Variants in ENOX1 observed in about 807,000 individuals in gnomAD.
ENOX1 encodes the protein candidate growth-related and time keeping constitutive hydroquinone (NADH) oxidase.
A neutral mutation model predicts 82.5 loss-of-function variants in ENOX1; 42 were observed. The ratio of observed to expected loss-of-function variants is 0.51; its 90% CI spans 0.40 to 0.66. The LOEUF (loss-of-function observed/expected upper bound fraction) is 0.66. Among genes scored for constraint, ENOX1 ranks in the 30% least tolerant of loss-of-function variants. ENOX1 has a pLI of 0.00. For synonymous variants in ENOX1, 271 were observed against 282.2 expected (o/e 0.96, Z 0.40); for missense variants, 608 against 811.6 (o/e 0.75, Z 3.05).
intron 2 of ENOX1, among the ~76,000 whole-genome samples, chr13:43,486,120 G>A (rs2076405988): frequency 6.6e-6 from 1 of 152,232 alleles, no homozygotes; most frequent in Non-Finnish European, 1.5e-5. Flanking sequence ...TGAGGCAGGA[G>A]AATGGTGTGA....
At chr13:43,564,075 A>C (rs4942240) in intron 2 of ENOX1, among the ~76,000 whole-genome samples, 57,764 of 151,844 alleles carry the variant, frequency 0.38, 11,876 homozygotes, top group East Asian at 0.77. Flanking sequence ...AAAATAAAAA[A>C]CTACAGACCA....
At chr13:43,356,821 G>C (rs1034474817) in intron 7 of ENOX1, among the ~76,000 whole-genome samples, 1 of 151,970 alleles carries the variant, frequency 6.6e-6, no homozygotes, top group Non-Finnish European at 1.5e-5. Context: ...AGGCCTCGCC[G>C]CTGCCTGCCT....
At position 43,397,119 on chromosome 13, in the gene ENOX1, C is replaced by A. The variant is rs145141212; in HGVS notation, c.208+14797G>T. The stretch of plus-strand genomic sequence containing the variant: ...GTGCCCCTGCAGAATCTCTGGCATG[C>A]CCCTCTCTTGGCGAAGCCCCAGCAA... On this transcript the variant is annotated intron_variant, in intron 5 of 16. Coordinates refer to ENST00000690772, the MANE Select transcript of ENOX1 (RefSeq NM_001347969.2). Among the ~76,000 whole-genome samples the A allele has an allele frequency of 5.0e-4, 76 of 152,354 alleles. No individual in the cohort carries two copies. The East Asian group carries it at 0.014, about 29-fold the overall frequency.
At chr13:43,589,896 CAAAAAAAAA>C (rs56787803) in intron 2 of ENOX1, among the ~76,000 whole-genome samples, 1 of 108,886 alleles carries the variant, frequency 9.2e-6, no homozygotes, top group Admixed American at 9.3e-5. Context: ...GTCTATTCTG[CAAAAAAAAA>C]AAAAAAAAAA....
intron 13 of ENOX1, among the ~76,000 whole-genome samples, chr13:43,268,101 TA>T (rs1472567199): frequency 6.6e-6 from 1 of 152,120 alleles, no homozygotes; most frequent in Non-Finnish European, 1.5e-5. Flanking sequence ...GACTTCAAAA[TA>T]AAGGATTTGA....
intron 13 of ENOX1, among the ~76,000 whole-genome samples, chr13:43,267,233 T>G (rs2044430224): frequency 6.6e-6 from 1 of 152,210 alleles, no homozygotes; most frequent in Admixed American, 6.5e-5. Context: ...CAGGTAGGGC[T>G]GAACATCCTG....
intron 15 of ENOX1, among the ~76,000 whole-genome samples, chr13:43,230,925 A>T (rs1424719349): frequency 6.6e-6 from 1 of 152,160 alleles, no homozygotes; most frequent in Non-Finnish European, 1.5e-5. Context: ...TATTGCCAGA[A>T]TATACTCCCC....
intron 9 of ENOX1, among the ~76,000 whole-genome samples, chr13:43,328,587 C>T (rs527445586): frequency 1.7e-4 from 26 of 152,102 alleles, no homozygotes; most frequent in African/African-American, 5.5e-4. Flanking sequence ...TTCATAAAAA[C>T]GTGTAAGGGG....
At chr13:43,252,344 G>A (rs929088653) in intron 14 of ENOX1, among the ~76,000 whole-genome samples, 1 of 152,192 alleles carries the variant, frequency 6.6e-6, no homozygotes, top group Non-Finnish European at 1.5e-5. Flanking sequence ...TCCAAGCCTG[G>A]CGGAATGTCT....
chr13:43,486,657 A>G (rs2076430421), intron 2 of ENOX1, among the ~76,000 whole-genome samples: 2 of 152,222 alleles, frequency 1.3e-5, no homozygotes, highest in Admixed American at 6.5e-5. Context: ...AGGTGGTACC[A>G]GTAGGTGTTT....
intron 2 of ENOX1, among the ~76,000 whole-genome samples, chr13:43,651,695 T>TAAAAAA (rs57810969): frequency 2.3e-4 from 22 of 96,976 alleles, no homozygotes; most frequent in African/African-American, 5.9e-4. Flanking sequence ...AGACTCTGTC[T>TAAAAAA]AAAAAAAAAA....
At chr13:43,417,975 G>A (rs182402048) in intron 3 of ENOX1, among the ~76,000 whole-genome samples, 17 of 152,246 alleles carry the variant, frequency 1.1e-4, no homozygotes, top group African/African-American at 3.1e-4. Context: ...TTGGGAGGCC[G>A]AGGCGGGTGG....
chr13:43,363,755 G>C (rs1220103681), intron 5 of ENOX1, among the ~76,000 whole-genome samples: 1 of 152,212 alleles, frequency 6.6e-6, no homozygotes, highest in Non-Finnish European at 1.5e-5. Context: ...CAAATGAGAA[G>C]AGAAGCCCAG....
At chr13:43,455,995 G>A (rs956854870) in intron 3 of ENOX1, among the ~76,000 whole-genome samples, 3 of 152,122 alleles carry the variant, frequency 2.0e-5, no homozygotes, top group Non-Finnish European at 4.4e-5. Context: ...GTGTGAAAAC[G>A]TTTGGACTAT....
intron 11 of ENOX1, among the ~76,000 whole-genome samples, chr13:43,312,973 T>G (rs1034583984): frequency 6.6e-6 from 1 of 152,230 alleles, no homozygotes; most frequent in African/African-American, 2.4e-5. Context: ...TATGGCACCA[T>G]GTACACTGCA....
chr13:43,752,857 TTTC>T (rs1332753905), intron 1 of ENOX1, among the ~76,000 whole-genome samples: 1 of 151,478 alleles, frequency 6.6e-6, no homozygotes, highest in African/African-American at 2.4e-5. Flanking sequence ...GTTCATTGCA[TTTC>T]TTTTTTTTTT....
At chr13:43,603,048 AC>A (rs2081796813) in intron 2 of ENOX1, among the ~76,000 whole-genome samples, 1 of 152,122 alleles carries the variant, frequency 6.6e-6, no homozygotes, top group Non-Finnish European at 1.5e-5. Flanking sequence ...TAATAATATT[AC>A]CTTTAAGTGT....
intron 2 of ENOX1, among the ~76,000 whole-genome samples, chr13:43,512,548 AAC>A (rs2077407480): frequency 6.6e-6 from 1 of 152,140 alleles, no homozygotes; most frequent in African/African-American, 2.4e-5. Context: ...TACATAATAA[AAC>A]AATTTACAGA....
At chr13:43,314,158 T>G (rs1204841659) in intron 11 of ENOX1, among the ~76,000 whole-genome samples, 1 of 152,208 alleles carries the variant, frequency 6.6e-6, no homozygotes, top group Non-Finnish European at 1.5e-5. Flanking sequence ...GTCCTGGAAC[T>G]GGGGAGAAGA....
Sources: gnomAD v4.1 joint callset for allele counts (sites outside exome capture counted in the v4.1 genomes callset) on GRCh38, gnomAD v4.1.1 for gene constraint, MANE v1.5 for transcripts, NCBI Gene and HGNC (gene_info 2026-07-23, HGNC 2026-07-21) for gene names.